ARHGAP26: variants seen among roughly 807,000 people sequenced by gnomAD.
The protein encoded by ARHGAP26 is Rho GTPase activating protein 26.
In ARHGAP26, 38 loss-of-function variants were observed where a neutral mutation model predicts 104.8. The observed-to-expected ratio is 0.36, with a 90% confidence interval of 0.28 to 0.48. The LOEUF is 0.48. Among genes scored for constraint, ARHGAP26 ranks in the 20% least tolerant of loss-of-function variants. The pLI, the probability that ARHGAP26 is intolerant of heterozygous loss-of-function variation, is 0.99. For missense variants in ARHGAP26, 704 were observed against 947.9 expected, an observed-to-expected ratio of 0.74 and a Z score of 3.38; for synonymous variants, 341 against 340.0, an observed-to-expected ratio of 1.00 and a Z score of -0.03.
intron 1 of ARHGAP26, among the ~76,000 whole-genome samples, chr5:142,777,012 A>G (rs1042178911): frequency 1.3e-5 from 2 of 152,154 alleles, no homozygotes; most frequent in Admixed American, 1.3e-4. Context: ...TATCCTGGTG[A>G]CCAATGAGGA....
chr5:142,783,898 C>T (rs899999563), intron 1 of ARHGAP26, among the ~76,000 whole-genome samples: 1 of 152,230 alleles, frequency 6.6e-6, no homozygotes, highest in Non-Finnish European at 1.5e-5. Flanking sequence ...AAATGTTTGA[C>T]ACAGACTTTA....
intron 11 of ARHGAP26, among the ~76,000 whole-genome samples, chr5:142,940,989 G>A (rs1766218535): frequency 1.4e-5 from 2 of 146,566 alleles, no homozygotes; most frequent in Non-Finnish European, 3.0e-5. Context: ...GCAGGAGAAT[G>A]GCATGAACCC....
At chr5:142,928,231 GTTT>G (rs369377056) in intron 10 of ARHGAP26, among the ~76,000 whole-genome samples, 2 of 130,096 alleles carry the variant, frequency 1.5e-5, no homozygotes, top group East Asian at 2.1e-4. Context: ...GTGTGTGTGT[GTTT>G]TTTTTTTTTT....
At chr5:143,068,007 T>C (rs1020881504) in intron 17 of ARHGAP26, among the ~76,000 whole-genome samples, 1 of 151,894 alleles carries the variant, frequency 6.6e-6, no homozygotes, top group Non-Finnish European at 1.5e-5. Flanking sequence ...CTACTAAAAA[T>C]ACAAAAATTA....
chr5:142,875,182 C>T lies in ARHGAP26; in HGVS notation c.312+11C>T. ...GAACGGATACGGATGGTGAGTAGGG[C>T]TGGGCTACTCTTGGTCCCAGATAGT... is the stretch of plus-strand genomic sequence containing the variant. On this transcript the variant is annotated intron_variant, in intron 3 of 22. Transcript: ENST00000645722. 6.2e-7 allele frequency: 1 copy of T among 1,613,754 alleles called. No homozygotes were observed. The highest frequency in any genetic ancestry group is 8.5e-7 in the Non-Finnish European group (1 of 1,179,714).
chr5:143,054,840 C>A (rs529333040), intron 15 of ARHGAP26, among the ~76,000 whole-genome samples: 25 of 152,330 alleles, frequency 1.6e-4, no homozygotes, highest in Admixed American at 1.5e-3. Flanking sequence ...CTGTTAAGAA[C>A]ACAAGGAATC....
Position 142,985,172 on chromosome 5 carries a change from CA to C in ARHGAP26, c.1108-28900del, listed in dbSNP as rs890524483. 1.4e-4 allele frequency among the ~76,000 whole-genome samples: 21 copies of C among 151,384 alleles called. No homozygotes were observed. In the East Asian group the frequency reaches 2.5e-3, roughly 18 times the overall value. Reference sequence around the variant, plus strand: ...AAAAGGAAAATAATAATAATAAATACAAAAAAAACTTGTTGAATAAGGAAAA... The same window carrying C: ...AAAAGGAAAATAATAATAATAAATACAAAAAAACTTGTTGAATAAGGAAAA... On this transcript the variant is annotated intron_variant, in intron 11 of 22. Coordinates refer to ENST00000645722, the MANE Select transcript of ARHGAP26 (RefSeq NM_001135608.3).
intron 6 of ARHGAP26, among the ~76,000 whole-genome samples, chr5:142,900,062 G>C (rs1457428316): frequency 1.3e-5 from 2 of 152,186 alleles, no homozygotes; most frequent in African/African-American, 4.8e-5. Flanking sequence ...GTCATGCCTT[G>C]GAAAGGCGAT....
intron 1 of ARHGAP26, among the ~76,000 whole-genome samples, chr5:142,800,369 C>CTTTT (rs200656496): frequency 4.9e-5 from 7 of 142,090 alleles, no homozygotes; most frequent in African/African-American, 1.5e-4. Flanking sequence ...TTTTCTTTGT[C>CTTTT]TTTTTTTTTT....
chr5:142,861,603 T>C (rs1753368919), intron 1 of ARHGAP26, among the ~76,000 whole-genome samples: 1 of 152,018 alleles, frequency 6.6e-6, no homozygotes, highest in South Asian at 2.1e-4. Context: ...GTGGCTTCAT[T>C]GTCCTTTCAT....
intron 20 of ARHGAP26, among the ~76,000 whole-genome samples, chr5:143,161,411 C>G (rs1004109139): frequency 1.3e-5 from 2 of 152,162 alleles, no homozygotes; most frequent in African/African-American, 4.8e-5. Flanking sequence ...CAGCCCCCAA[C>G]CAACATTGTG....
intron 20 of ARHGAP26, among the ~76,000 whole-genome samples, chr5:143,153,782 C>T (rs1237096242): frequency 6.8e-6 from 1 of 147,230 alleles, no homozygotes; most frequent in Admixed American, 6.8e-5. Context: ...GTCCTTCTGT[C>T]TTAACACACA....
chr5:142,998,075 A>G (rs574538253), intron 11 of ARHGAP26, among the ~76,000 whole-genome samples: 3 of 152,154 alleles, frequency 2.0e-5, no homozygotes, highest in Non-Finnish European at 4.4e-5. Flanking sequence ...CCTAGAAGCA[A>G]TGGTTTAGTG....
intron 11 of ARHGAP26, among the ~76,000 whole-genome samples, chr5:142,973,401 T>C (rs1376795797): frequency 6.6e-6 from 1 of 152,188 alleles, no homozygotes; most frequent in African/African-American, 2.4e-5. Flanking sequence ...CTCATTTGAG[T>C]AAATAAAAGG....
intron 1 of ARHGAP26, among the ~76,000 whole-genome samples, chr5:142,797,895 A>T (rs370877582): frequency 6.6e-6 from 1 of 152,276 alleles, no homozygotes; most frequent in East Asian, 1.9e-4. Flanking sequence ...GGGGCTTGAC[A>T]TTCTGCATTT....
intron 18 of ARHGAP26, among the ~76,000 whole-genome samples, chr5:143,132,425 G>T (rs1797457142): frequency 6.6e-6 from 1 of 151,504 alleles, no homozygotes; most frequent in South Asian, 2.1e-4. Context: ...AACTCAGGAG[G>T]GAGGAGACCA....
In ARHGAP26 at chr5:142,808,236, G is replaced by GA. The variant is rs58550799; in HGVS notation, c.154+37361dup. Among the ~76,000 whole-genome samples the GA allele has an allele frequency of 2.4e-4, 8 of 32,696 alleles. 1 individual carries two copies. Among genetic ancestry groups the GA allele is most frequent in the Admixed American group, 8.7e-4 (2 of 2,294 alleles). The allele number at this position is 32,696 out of a possible 152,430, so 21.4% of individuals were successfully genotyped here. On this transcript the variant is annotated intron_variant, in intron 1 of 22. Transcript: ENST00000645722. ...GGCAACAGAGTGAGACATTGTCTCG[G>GA]AAAAAAAAAAAAAAAAAAAAAAAAA...
chr5:143,174,424 C>T (rs1456047707), intron 20 of ARHGAP26, among the ~76,000 whole-genome samples: 1 of 152,168 alleles, frequency 6.6e-6, no homozygotes, highest in Non-Finnish European at 1.5e-5. Context: ...CACATCCACC[C>T]ACACCAGCTT....
intron 1 of ARHGAP26, among the ~76,000 whole-genome samples, chr5:142,830,212 G>A (rs889723953): frequency 6.6e-6 from 1 of 152,164 alleles, no homozygotes; most frequent in African/African-American, 2.4e-5. Context: ...TATTATTCAG[G>A]TTTCTTGCAT....
Sources: gnomAD v4.1 joint callset for allele counts (sites outside exome capture counted in the v4.1 genomes callset) on GRCh38, gnomAD v4.1.1 for gene constraint, MANE v1.5 for transcripts, NCBI Gene and HGNC (gene_info 2026-07-23, HGNC 2026-07-21) for gene names.